DMD: variants seen among roughly 807,000 people sequenced by gnomAD.
DMD encodes mutant dystrophin.
A neutral mutation model predicts 330.1 loss-of-function variants in DMD; 63 were observed. The observed-to-expected ratio is 0.19, with a 90% CI of 0.16 to 0.24. The LOEUF is 0.24. Among genes scored for constraint, DMD ranks in the 10% least tolerant of loss-of-function variants. The pLI, the probability that DMD is intolerant of heterozygous loss-of-function variation, is 1.00. For missense variants in DMD, 3,344 were observed against 2,684.1 expected (o/e 1.25, Z -5.43); for synonymous variants, 1,223 against 959.8 (o/e 1.27, Z -5.07).
intron 12 of DMD, among the ~76,000 whole-genome samples, chrX:32,596,892 C>T (rs759930629): frequency 1.8e-5 from 2 of 111,072 alleles, no homozygotes; most frequent in South Asian, 3.8e-4. Flanking sequence ...CCCTTCCGCT[C>T]AAACTACAAA....
intron 48 of DMD, among the ~76,000 whole-genome samples, chrX:31,851,290 A>C (rs1412911602): frequency 8.9e-6 from 1 of 111,830 alleles, no homozygotes; most frequent in Non-Finnish European, 1.9e-5. Context: ...GGAGACTTAA[A>C]AAAAAAAAAC....
Position 32,288,213 on chromosome X carries a change from C to T in DMD, c.6118-512G>A, listed in dbSNP as rs774308952. On this transcript the variant is annotated intron_variant, in intron 42 of 78. Coordinates refer to ENST00000357033, the MANE Select transcript of DMD (RefSeq NM_004006.3). Reference sequence around the variant, plus strand: ...CACGAGACTTTCAAACTTAATATGACGCAAACAAAATTCTGAACTGCATTT... The same window carrying T: ...CACGAGACTTTCAAACTTAATATGATGCAAACAAAATTCTGAACTGCATTT... Among the ~76,000 whole-genome samples the T allele has an allele frequency of 1.5e-4, 17 of 111,671 alleles. No homozygotes were observed. In the East Asian group the frequency reaches 2.0e-3, roughly 13 times the overall value.
Position 33,179,433 on chromosome X carries a change from A to C in DMD, c.31+31849T>G, listed in dbSNP as rs755049773. 1.2e-4 allele frequency among the ~76,000 whole-genome samples: 13 copies of C among 111,279 alleles called. No individual in the cohort carries two copies. The East Asian group carries it at 3.4e-3, about 29-fold the overall frequency. ...AATGGGCCGGGTGCGATGGCTCACC[A>C]CTGTAATCTCAGCACTTTGGGAGGC... is the stretch of plus-strand genomic sequence containing the variant. On this transcript the variant is annotated intron_variant, in intron 1 of 78. Transcript: ENST00000357033.
At chrX:32,089,245 T>A (rs1425236931) in intron 44 of DMD, among the ~76,000 whole-genome samples, 2 of 111,381 alleles carry the variant, frequency 1.8e-5, no homozygotes, top group African/African-American at 6.5e-5. Context: ...TTAACCCTTC[T>A]ACTCTGTGGT....
chrX:31,228,280 A>T (rs1344747929), intron 63 of DMD, among the ~76,000 whole-genome samples: 2 of 108,800 alleles, frequency 1.8e-5, no homozygotes. Context: ...AAAAATAAAA[A>T]AAAAAAAAAA....
chrX:32,875,369 A>G (rs1010254826), intron 2 of DMD, among the ~76,000 whole-genome samples: 1 of 111,861 alleles, frequency 8.9e-6, no homozygotes, highest in African/African-American at 3.3e-5. Context: ...CCTCCAGCCT[A>G]CACTGCTATA....
At chrX:32,791,919 C>A (rs1384441395) in intron 7 of DMD, among the ~76,000 whole-genome samples, 2 of 111,664 alleles carry the variant, frequency 1.8e-5, no homozygotes, top group Non-Finnish European at 1.9e-5. Context: ...TCAAAAATGT[C>A]TTGTCCATGA....
intron 55 of DMD, among the ~76,000 whole-genome samples, chrX:31,542,809 A>G (rs1374947464): frequency 5.3e-5 from 6 of 113,054 alleles, no homozygotes; most frequent in Non-Finnish European, 1.1e-4. Context: ...ATAAGAGATA[A>G]GAGGCCAATG....
intron 56 of DMD, 26 bp downstream of exon 56, chrX:31,507,255 C>T (rs1026879345): frequency 1.7e-6 from 2 of 1,207,966 alleles, no homozygotes; most frequent in African/African-American, 3.5e-5. Context: ...TCATTTGTGG[C>T]CTTTTTGCTC....
chrX:32,930,488 A>G (rs1196500065), intron 2 of DMD, among the ~76,000 whole-genome samples: 1 of 111,166 alleles, frequency 9.0e-6, no homozygotes, highest in Admixed American at 9.7e-5. Context: ...TACAACTAAA[A>G]CGTTGTAGAA....
chrX:32,014,807 T>G (rs12010294), intron 44 of DMD, among the ~76,000 whole-genome samples: 33,581 of 111,054 alleles, frequency 0.3, 5,032 homozygotes, highest in African/African-American at 0.57. Flanking sequence ...GATTAAAGAT[T>G]AAAACGTTTA....
At chrX:32,926,469 G>T (rs940123776) in intron 2 of DMD, among the ~76,000 whole-genome samples, 9 of 111,805 alleles carry the variant, frequency 8.0e-5, no homozygotes, top group Non-Finnish European at 1.5e-4. Context: ...TTTTCACTTG[G>T]CTGGGTGCAG....
intron 74 of DMD, among the ~76,000 whole-genome samples, chrX:31,162,356 T>TAAAAAAAAAAAAAAAAAAAAAAAA (rs57908991): frequency 7.9e-5 from 4 of 50,608 alleles, no homozygotes; most frequent in African/African-American, 2.6e-4. Context: ...ATGAAAAATC[T>TAAAAAAAAAAAAAAAAAAAAAAAA]AAAAAAAAAA....
chrX:31,913,763 A>G (rs2094574911), intron 47 of DMD, among the ~76,000 whole-genome samples: 1 of 111,511 alleles, frequency 9.0e-6, no homozygotes, highest in African/African-American at 3.3e-5. Flanking sequence ...ACAAAACAAA[A>G]CAAAAACAAA....
At chrX:33,056,156 T>C (rs188855944) in intron 1 of DMD, among the ~76,000 whole-genome samples, 3 of 110,768 alleles carry the variant, frequency 2.7e-5, no homozygotes, top group Admixed American at 1.9e-4. Flanking sequence ...AGCATTTCTT[T>C]GATGGAGACA....
intron 42 of DMD, among the ~76,000 whole-genome samples, chrX:32,303,083 G>A (rs778273571): frequency 9.0e-6 from 1 of 111,568 alleles, no homozygotes; most frequent in African/African-American, 3.2e-5. Context: ...TTTCATAAAT[G>A]ATTGTTTTAG....
In DMD at chrX:32,501,032, G is replaced by A. The variant is rs185683586; in HGVS notation, c.2380+723C>T. ...GGAAATAGCATTATCCCTGATTTTC[G>A]TAAAATTTTATCTGGAAATATAGTA... is the stretch of plus-strand genomic sequence containing the variant. On this transcript the variant is annotated intron_variant, in intron 19 of 78. Coordinates refer to ENST00000357033, the MANE Select transcript of DMD (RefSeq NM_004006.3). Among the ~76,000 whole-genome samples, 147 of 111,807 alleles carry A rather than the reference G, an allele frequency of 1.3e-3. 1 individual carries two copies. The highest frequency in any genetic ancestry group is 4.6e-3 in the African/African-American group (143 of 30,872).
chrX:32,732,016 A>C (rs2148049828), intron 7 of DMD, among the ~76,000 whole-genome samples: 1 of 111,480 alleles, frequency 9.0e-6, no homozygotes, highest in Admixed American at 9.6e-5. Flanking sequence ...AACTTTGAAA[A>C]ACATTTAGAA....
chrX:31,367,418 A>G (rs2059322262), intron 60 of DMD, among the ~76,000 whole-genome samples: 1 of 111,129 alleles, frequency 9.0e-6, no homozygotes, highest in African/African-American at 3.3e-5. Context: ...TGCTCGAGGA[A>G]GGATTCAACA....
Sources: allele counts gnomAD v4.1 joint callset (sites outside exome capture counted in the v4.1 genomes callset), GRCh38; gene constraint gnomAD v4.1.1; transcripts MANE v1.5; gene names NCBI Gene and HGNC (gene_info 2026-07-23, HGNC 2026-07-21).